SEMA6A: variants seen among roughly 807,000 people sequenced by gnomAD.
SEMA6A encodes semaphorin-6A.
In SEMA6A, 25 loss-of-function variants were observed where a neutral mutation model predicts 96.8. The observed-to-expected ratio is 0.26, with a 90% CI of 0.19 to 0.36. SEMA6A has a LOEUF of 0.36. SEMA6A is among the 10% of genes least tolerant of loss of function. The pLI, the probability that SEMA6A is intolerant of heterozygous loss-of-function variation, is 1.00. For missense variants in SEMA6A, 1,363 were observed against 1,323.1 expected, an observed-to-expected ratio of 1.03 and a Z score of -0.47; for synonymous variants, 612 against 518.0, an observed-to-expected ratio of 1.18 and a Z score of -2.46.
intron 1 of SEMA6A, among the ~76,000 whole-genome samples, chr5:116,539,305 G>A (rs950795839): frequency 2.6e-5 from 4 of 152,182 alleles, no homozygotes; most frequent in Non-Finnish European, 5.9e-5. Context: ...TCCTTCTGAA[G>A]TATATGTCAC....
At position 116,482,512 on chromosome 5, in the gene SEMA6A, T is replaced by C. The variant is rs1408442868; in HGVS notation, c.1026A>G (p.Arg342=). 6 of 1,613,550 alleles carry C rather than the reference T, an allele frequency of 3.7e-6. No individual in the cohort carries two copies. The highest frequency in any genetic ancestry group is 4.2e-6 in the Non-Finnish European group (5 of 1,179,674). Residue 342 remains arginine (R), a synonymous_variant, in exon 11 of 19, where the codon AGA becomes AGG. Transcript: ENST00000343348. Reference sequence around the variant, plus strand: ...AATCAGGAGACTTCTGTTCCTTGAATCTCCCAGTAAAAACACTGGCAATGT... The same window carrying C: ...AATCAGGAGACTTCTGTTCCTTGAACCTCCCAGTAAAAACACTGGCAATGT... ...MLDIASVFTG[R]FKEQKSPDST...
chr5:116,504,559 C>G (rs566438136), intron 2 of SEMA6A, among the ~76,000 whole-genome samples: 1 of 152,282 alleles, frequency 6.6e-6, no homozygotes, highest in South Asian at 2.1e-4. Flanking sequence ...TCCCACAGAG[C>G]TGATTTTAAG....
At chr5:116,529,628 C>T (rs56331457) in intron 1 of SEMA6A, among the ~76,000 whole-genome samples, 12,998 of 152,066 alleles carry the variant, frequency 0.085, 1,662 homozygotes, top group African/African-American at 0.27. Context: ...TCAATGGTTC[C>T]AAAACCATGA....
intron 1 of SEMA6A, among the ~76,000 whole-genome samples, chr5:116,526,071 C>G (rs770875300): frequency 6.9e-6 from 1 of 145,178 alleles, no homozygotes; most frequent in African/African-American, 2.5e-5. Context: ...CTTCGATTGA[C>G]TTGGGTGGGT....
At chr5:116,537,961 G>A (rs1321319129) in intron 1 of SEMA6A, among the ~76,000 whole-genome samples, 1 of 152,168 alleles carries the variant, frequency 6.6e-6, no homozygotes, top group Non-Finnish European at 1.5e-5. Flanking sequence ...CGGATCATGA[G>A]GTCAGGAGAT....
Position 116,504,952 on chromosome 5 carries a change from C to T in SEMA6A, c.-8G>A, listed in dbSNP as rs377674345. The T allele has an allele frequency of 2.2e-4, 346 of 1,570,534 alleles. 2 individuals are homozygous for T. The highest frequency in any genetic ancestry group is 7.5e-5 in the Non-Finnish European group (86 of 1,153,994). ...CAAGGCTTCTGACCTCATAGTAGTT[C>T]AGCGGGGAGACTTTATTTCTCTACT... On this transcript the variant is annotated 5_prime_UTR_variant, in exon 2 of 19. Coordinates refer to ENST00000343348, the MANE Select transcript of SEMA6A (RefSeq NM_020796.5).
In SEMA6A at chr5:116,564,972, A is replaced by G. The variant is rs188957918; in HGVS notation, c.-39+9213T>C. ...CATGATGTCATTTTATTTATTTAGT[A>G]ATCTGCAAAGCCAAAGCCAAATTAT... On this transcript the variant is annotated intron_variant, in intron 1 of 18. Coordinates refer to ENST00000343348, the MANE Select transcript of SEMA6A (RefSeq NM_020796.5). Among the ~76,000 whole-genome samples the G allele has an allele frequency of 5.8e-4, 88 of 152,368 alleles. 1 individual carries two copies. The highest frequency in any genetic ancestry group is 5.6e-3 in the Admixed American group (86 of 15,310).
At chr5:116,454,524 C>T (rs1366772225) in intron 18 of SEMA6A, among the ~76,000 whole-genome samples, 3 of 152,022 alleles carry the variant, frequency 2.0e-5, no homozygotes, top group Non-Finnish European at 2.9e-5. Flanking sequence ...ACACAGGGCC[C>T]GCTGTAATCC....
intron 18 of SEMA6A, among the ~76,000 whole-genome samples, chr5:116,453,056 G>A (rs966343009): frequency 4.6e-5 from 7 of 152,252 alleles, no homozygotes; most frequent in African/African-American, 1.7e-4. Flanking sequence ...AAGCCTTAAA[G>A]ATGCACAGGA....
chr5:116,525,052 A>T (rs1759160015), intron 1 of SEMA6A, among the ~76,000 whole-genome samples: 2 of 152,192 alleles, frequency 1.3e-5, no homozygotes, highest in Non-Finnish European at 2.9e-5. Context: ...TGGAGCAAGG[A>T]CAAAAGTTTA....
intron 18 of SEMA6A, among the ~76,000 whole-genome samples, chr5:116,466,538 C>A (rs1755769114): frequency 6.6e-6 from 1 of 152,134 alleles, no homozygotes; most frequent in South Asian, 2.1e-4. Flanking sequence ...GCCCAGCACT[C>A]TCAGGAGATG....
At chr5:116,536,866 TAAA>T (rs72214884) in intron 1 of SEMA6A, among the ~76,000 whole-genome samples, 10 of 69,520 alleles carry the variant, frequency 1.4e-4, no homozygotes, top group East Asian at 9.6e-4. Flanking sequence ...TGTGATTTCT[TAAA>T]AAAAAAAAAA....
rs369274456 is a variant in SEMA6A at position 116,446,830 on chromosome 5, G to T, written c.2876C>A (p.Pro959Gln). The T allele has an allele frequency of 6.2e-7, 1 of 1,613,948 alleles. No homozygotes were observed. Among genetic ancestry groups the T allele is most frequent in the Non-Finnish European group, 8.5e-7 (1 of 1,179,870 alleles). Residue 959 changes from proline (P) to glutamine (Q), a missense_variant, in exon 19 of 19, where the codon CCG becomes CAG. Coordinates refer to ENST00000343348, the MANE Select transcript of SEMA6A (RefSeq NM_020796.5). ...RNQSFGRGDN[P>Q]PPAPQRVDSI... ...GTCCACCCTCTGCGGGGCGGGCGGC[G>T]GGTTGTCTCCCCTGCCAAAGCTCTG... is the stretch of plus-strand genomic sequence containing the variant.
At chr5:116,528,804 G>A (rs1475304844) in intron 1 of SEMA6A, among the ~76,000 whole-genome samples, 2 of 152,190 alleles carry the variant, frequency 1.3e-5, no homozygotes, top group South Asian at 4.1e-4. Context: ...GACTGCTGTG[G>A]CTCTATAATT....
chr5:116,470,865 G>T (rs1756086797), intron 17 of SEMA6A, among the ~76,000 whole-genome samples: 1 of 152,136 alleles, frequency 6.6e-6, no homozygotes, highest in Admixed American at 6.5e-5. Flanking sequence ...TGGCTTTCTT[G>T]TCTATATCCA....
At chr5:116,565,696 T>C (rs78541887) in intron 1 of SEMA6A, among the ~76,000 whole-genome samples, 2,511 of 152,328 alleles carry the variant, frequency 0.016, 33 homozygotes, top group Middle Eastern at 0.031. Context: ...CACCTGGGTA[T>C]TTTAGGCCTA....
rs112785486 is a variant in SEMA6A at position 116,530,353 on chromosome 5, T to C, written c.-38-25371A>G. Among the ~76,000 whole-genome samples, 923 of 152,326 alleles carry C rather than the reference T, an allele frequency of 6.1e-3. 17 individuals are homozygous for C. Among genetic ancestry groups the C allele is most frequent in the African/African-American group, 0.021 (875 of 41,582 alleles). On this transcript the variant is annotated intron_variant, in intron 1 of 18. Transcript: ENST00000343348. ...TCCCTGTTATGCATGGTCTTAATTT[T>C]TAATATGTATTTTCTCTTAGCTCAC...
At chr5:116,490,603 C>A (rs11956022) in intron 7 of SEMA6A, among the ~76,000 whole-genome samples, 41,191 of 152,018 alleles carry the variant, frequency 0.27, 6,182 homozygotes, top group African/African-American at 0.41. Context: ...TCTCAGTAAT[C>A]CTGTGCTCTC....
At position 116,569,631 on chromosome 5, in the gene SEMA6A, A is replaced by G. The variant is rs986589567; in HGVS notation, c.-39+4554T>C. Among the ~76,000 whole-genome samples the G allele has an allele frequency of 5.9e-5, 9 of 152,322 alleles. No individual in the cohort carries two copies. In the East Asian group the frequency reaches 1.3e-3, roughly 23 times the overall value. ...GCAGGAGAGGACCATGGCTTGGCCA[A>G]TTTGAGGGCCACAGAGGAGGAACAC... On this transcript the variant is annotated intron_variant, in intron 1 of 18. Transcript: ENST00000343348.
Sources: allele counts gnomAD v4.1 joint callset (sites outside exome capture counted in the v4.1 genomes callset), GRCh38; gene constraint gnomAD v4.1.1; transcripts MANE v1.5; gene names NCBI Gene and HGNC (gene_info 2026-07-23, HGNC 2026-07-21).